NAV2: variants seen among roughly 807,000 people sequenced by gnomAD.
NAV2 encodes helicase, APC down-regulated 1.
A neutral mutation model predicts 223.2 loss-of-function variants in NAV2; 54 were observed. The observed-to-expected ratio is 0.24, with a 90% confidence interval of 0.19 to 0.30. The LOEUF is 0.30. Among genes scored for constraint, NAV2 ranks in the 10% least tolerant of loss-of-function variants. The pLI is 1.00. For synonymous variants in NAV2, 1,279 were observed against 1,239.3 expected (o/e 1.03, Z -0.67); for missense variants, 2,806 against 3,147.5 (o/e 0.89, Z 2.60).
chr11:19,623,673 T>G (rs1343061533), intron 1 of NAV2, among the ~76,000 whole-genome samples: 2 of 152,216 alleles, frequency 1.3e-5, no homozygotes, highest in Admixed American at 1.3e-4. Context: ...CGTCTAATCT[T>G]TTTTCAAGGT....
chr11:20,111,095 C>T lies in NAV2; in HGVS notation c.6960+3313C>T, dbSNP rs372231934. 2.9e-4 allele frequency among the ~76,000 whole-genome samples: 44 copies of T among 152,270 alleles called. No homozygotes were observed. In the East Asian group the frequency reaches 7.1e-3, roughly 25 times the overall value. ...TGAGCATAAGGTAGCACTGCAAGGGCGTGTAAGTGCAGATGCACTTGTGGA... is the reference window on the plus strand; with the variant it reads ...TGAGCATAAGGTAGCACTGCAAGGGTGTGTAAGTGCAGATGCACTTGTGGA... On this transcript the variant is annotated intron_variant, in intron 36 of 37. Coordinates refer to ENST00000349880, the MANE Select transcript of NAV2 (RefSeq NM_145117.5).
At chr11:20,071,432 C>T (rs10833231) in intron 22 of NAV2, among the ~76,000 whole-genome samples, 52,262 of 151,850 alleles carry the variant, frequency 0.34, 10,193 homozygotes, top group African/African-American at 0.53. Flanking sequence ...CGTGTGCATG[C>T]GTCTTTATAG....
chr11:19,360,145 C>T (rs762376822), intron 1 of NAV2, among the ~76,000 whole-genome samples: 8 of 152,224 alleles, frequency 5.3e-5, no homozygotes, highest in Non-Finnish European at 8.8e-5. Context: ...CAAATCTCAG[C>T]CTTGGCCCCC....
At chr11:19,738,614 G>A (rs2052536036) in intron 1 of NAV2, among the ~76,000 whole-genome samples, 1 of 152,178 alleles carries the variant, frequency 6.6e-6, no homozygotes. Flanking sequence ...TGGTAGAGGG[G>A]GCTTGTTTGC....
chr11:19,572,356 G>A (rs2045452688), intron 1 of NAV2, among the ~76,000 whole-genome samples: 1 of 152,210 alleles, frequency 6.6e-6, no homozygotes, highest in African/African-American at 2.4e-5. Context: ...TATGGCATCA[G>A]CTTGCCATAT....
At chr11:19,932,257 A>AAAAAAAAAAAAAAAAAAG (rs1555153008) in intron 6 of NAV2, among the ~76,000 whole-genome samples, 185 of 100,006 alleles carry the variant, frequency 1.8e-3, no homozygotes, top group East Asian at 5.7e-3. Flanking sequence ...AAAAAAAAAA[A>AAAAAAAAAAAAAAAAAAG]AAAGAAAGAA....
chr11:19,885,113 TA>T (rs1458926549), intron 5 of NAV2, among the ~76,000 whole-genome samples: 2 of 152,234 alleles, frequency 1.3e-5, no homozygotes, highest in African/African-American at 4.8e-5. Context: ...TATCAACAGC[TA>T]ACATTTATTG....
At chr11:19,684,303 C>T (rs1199615849) in intron 1 of NAV2, among the ~76,000 whole-genome samples, 2 of 152,300 alleles carry the variant, frequency 1.3e-5, no homozygotes, top group East Asian at 3.9e-4. Flanking sequence ...GTCCTCCCAT[C>T]ATTTCTGGGA....
In NAV2 at chr11:20,119,909, CA is replaced by C. The variant is rs2063388659; in HGVS notation, c.*1655del. 6.6e-6 allele frequency: 1 copy of C among 152,130 alleles called. No homozygotes were observed. Among genetic ancestry groups the C allele is most frequent in the South Asian group, 2.1e-4 (1 of 4,820 alleles). The allele number at this position is 152,130 out of a possible 1,614,324, so 9.4% of individuals were successfully genotyped here. A position where few individuals can be genotyped will look rare whatever the true frequency, so the allele number is the denominator to read the frequency against. On this transcript the variant is annotated 3_prime_UTR_variant, in exon 38 of 38. Coordinates refer to ENST00000349880, the MANE Select transcript of NAV2 (RefSeq NM_145117.5). ...ATGATCTGTCTGGTGCAGGAGAAGG[CA>C]AAAGTTTCTACAAGTCTACATGACC...
intron 1 of NAV2, among the ~76,000 whole-genome samples, chr11:19,538,556 G>A (rs997167013): frequency 6.6e-6 from 1 of 151,240 alleles, no homozygotes; most frequent in African/African-American, 2.4e-5. Flanking sequence ...GTCTCACTGT[G>A]TTTTCCTGGC....
intron 20 of NAV2, among the ~76,000 whole-genome samples, chr11:20,067,714 TCCTGACCTCAAGTGGTCC>T (rs1450405678): frequency 1.3e-5 from 2 of 150,772 alleles, no homozygotes; most frequent in Non-Finnish European, 2.9e-5. Flanking sequence ...GGTCTTCAAC[TCCTGACCTCAAGTGGTCC>T]ACCAACCTCA....
chr11:20,105,867 C>G (rs1038338149), intron 35 of NAV2, 140 bp downstream of exon 35: 9 of 681,070 alleles, frequency 1.3e-5, no homozygotes, highest in African/African-American at 9.0e-5. Context: ...GGCAGAGGGA[C>G]AGTCACAGAC....
chr11:19,460,788 A>G (rs1433897823), intron 1 of NAV2, among the ~76,000 whole-genome samples: 3 of 151,708 alleles, frequency 2.0e-5, no homozygotes, highest in Admixed American at 2.0e-4. Flanking sequence ...AAAGTATAAT[A>G]AAAAAAAATT....
intron 1 of NAV2, among the ~76,000 whole-genome samples, chr11:19,756,737 T>G (rs2054262056): frequency 6.6e-6 from 1 of 152,228 alleles, no homozygotes; most frequent in African/African-American, 2.4e-5. Flanking sequence ...CCTGATGCAT[T>G]AGTCACAACA....
chr11:19,832,719 G>C, intron 2 of NAV2, 118 bp downstream of exon 2: 1 of 784,920 alleles, frequency 1.3e-6, no homozygotes, highest in East Asian at 2.5e-5. Context: ...CTCATGTCTT[G>C]ACAATTTATT....
chr11:20,085,410 A>G (rs1439719789), intron 26 of NAV2, among the ~76,000 whole-genome samples: 1 of 152,192 alleles, frequency 6.6e-6, no homozygotes, highest in Non-Finnish European at 1.5e-5. Flanking sequence ...TCCTGAATAA[A>G]CTAGGAAAAT....
At chr11:20,039,406 C>T (rs2056700965) in intron 12 of NAV2, among the ~76,000 whole-genome samples, 1 of 152,104 alleles carries the variant, frequency 6.6e-6, no homozygotes. Context: ...CTTCTTCCTT[C>T]CCTCCATTTC....
At chr11:19,758,447 G>T (rs967642619) in intron 1 of NAV2, among the ~76,000 whole-genome samples, 1 of 152,196 alleles carries the variant, frequency 6.6e-6, no homozygotes, top group African/African-American at 2.4e-5. Context: ...GCTGGCGAAG[G>T]GTGGTGGTGG....
Position 19,713,509 on chromosome 11 carries a change from C to T in NAV2, c.-187C>T, listed in dbSNP as rs1156579263. On this transcript the variant is annotated 5_prime_UTR_variant, in exon 1 of 38. Coordinates refer to ENST00000349880, the MANE Select transcript of NAV2 (RefSeq NM_145117.5). The surrounding 1 kb of genome is among the most constrained non-coding windows in gnomAD (Gnocchi z 7.2). Reference sequence around the variant, plus strand: ...GGCCAGTCCCCCATTCCCATCCCGGCACCCCAAAGGCGCGCTCGCCCGATT... The same window carrying T: ...GGCCAGTCCCCCATTCCCATCCCGGTACCCCAAAGGCGCGCTCGCCCGATT... 1 of 1,381,252 alleles carries T rather than the reference C, an allele frequency of 7.2e-7. No homozygotes were observed. The highest frequency in any genetic ancestry group is 9.3e-7 in the Non-Finnish European group (1 of 1,073,244). 85.6% of individuals were successfully genotyped at this position (1,381,252 alleles called of 1,614,324 possible). A position where few individuals can be genotyped will look rare whatever the true frequency, so the allele number is the denominator to read the frequency against.
Sources: allele counts gnomAD v4.1 joint callset (sites outside exome capture counted in the v4.1 genomes callset), GRCh38; gene constraint gnomAD v4.1.1; non-coding constraint Gnocchi (gnomAD v3.1); transcripts MANE v1.5; gene names NCBI Gene and HGNC (gene_info 2026-07-23, HGNC 2026-07-21).